The following TASP1 variants were observed in gnomAD, a reference collection of about 807,000 sequenced individuals.
TASP1 encodes threonine aspartase 1.
TASP1 carries 16 observed loss-of-function variants against 56.6 expected under a neutral mutation model. The ratio of observed to expected loss-of-function variants is 0.28; its 90% CI spans 0.19 to 0.43. TASP1 has a LOEUF of 0.43. Among genes scored for constraint, TASP1 ranks in the 20% least tolerant of loss-of-function variants. The pLI is 1.00. For missense variants in TASP1, 393 were observed against 511.6 expected (o/e 0.77, Z 2.24); for synonymous variants, 179 against 184.2 (o/e 0.97, Z 0.23).
At chr20:13,591,908 G>C (rs1224543460) in intron 4 of TASP1, among the ~76,000 whole-genome samples, 3 of 151,968 alleles carry the variant, frequency 2.0e-5, no homozygotes, top group Admixed American at 6.6e-5. Context: ...TAATCCAAAA[G>C]TGTATTTTGC....
intron 10 of TASP1, among the ~76,000 whole-genome samples, chr20:13,526,262 T>C (rs1170671663): frequency 2.6e-5 from 4 of 152,112 alleles, no homozygotes; most frequent in African/African-American, 4.8e-5. Context: ...TCTCCTAACA[T>C]CTAGATATGA....
chr20:13,531,944 C>T (rs999299291), intron 9 of TASP1, among the ~76,000 whole-genome samples: 22 of 152,224 alleles, frequency 1.4e-4, no homozygotes, highest in African/African-American at 3.1e-4. Flanking sequence ...GAATTACAGG[C>T]GTGAGCCACT....
chr20:13,132,136 C>A, the TASP1 span, among the ~76,000 whole-genome samples: 1 of 151,620 alleles, frequency 6.6e-6, no homozygotes, highest in African/African-American at 2.4e-5. Context: ...AATAGCAAAT[C>A]CTCCTGTCCC....
chr20:13,201,359 G>A, the TASP1 span, among the ~76,000 whole-genome samples: 3 of 151,896 alleles, frequency 2.0e-5, no homozygotes, highest in African/African-American at 7.2e-5. Flanking sequence ...TTTGGTGGTA[G>A]AAAATCAGCA....
At chr20:13,369,306 C>T in the TASP1 span, among the ~76,000 whole-genome samples, 1 of 152,068 alleles carries the variant, frequency 6.6e-6, no homozygotes. Context: ...ATTAGCTGGG[C>T]GTGGTGGCAC....
intron 10 of TASP1, among the ~76,000 whole-genome samples, chr20:13,486,136 C>T (rs760227568): frequency 3.3e-5 from 5 of 152,132 alleles, no homozygotes; most frequent in African/African-American, 9.6e-5. Context: ...GAAAGTTTGA[C>T]TTATGTGCTC....
At chr20:13,194,399 T>C in the TASP1 span, among the ~76,000 whole-genome samples, 1 of 152,184 alleles carries the variant, frequency 6.6e-6, no homozygotes, top group African/African-American at 2.4e-5. Context: ...GCATTTGGTG[T>C]AGAGTACCAA....
intron 4 of TASP1, among the ~76,000 whole-genome samples, chr20:13,591,524 G>T (rs1314131093): frequency 6.6e-6 from 1 of 152,096 alleles, no homozygotes; most frequent in Non-Finnish European, 1.5e-5. Context: ...GACTTCTTCA[G>T]ACACATAAAA....
chr20:13,477,202 G>A (rs1451565770), intron 11 of TASP1, among the ~76,000 whole-genome samples: 1 of 151,946 alleles, frequency 6.6e-6, no homozygotes, highest in Non-Finnish European at 1.5e-5. Context: ...CTCAATTGTC[G>A]ACAGCACTCT....
chr20:13,416,493 T>C (rs6042083), intron 13 of TASP1, among the ~76,000 whole-genome samples: 9,656 of 152,240 alleles, frequency 0.063, 455 homozygotes, highest in African/African-American at 0.13. Flanking sequence ...CTGGATAATA[T>C]ACAAAGGATA....
At chr20:13,342,388 G>C in the TASP1 span, among the ~76,000 whole-genome samples, 1 of 152,234 alleles carries the variant, frequency 6.6e-6, no homozygotes, top group African/African-American at 2.4e-5. Flanking sequence ...TGAGCTACAA[G>C]AGAGCATTGC....
chr20:13,125,529 C>G, the TASP1 span, among the ~76,000 whole-genome samples: 6 of 152,188 alleles, frequency 3.9e-5, no homozygotes, highest in Admixed American at 3.3e-4. Flanking sequence ...ATTTATTTAG[C>G]TTAAAACTCT....
chr20:13,236,404 A>T, the TASP1 span, among the ~76,000 whole-genome samples: 1 of 152,138 alleles, frequency 6.6e-6, no homozygotes, highest in African/African-American at 2.4e-5. Flanking sequence ...CCCACAACAC[A>T]TGGGAATTCT....
At chr20:13,474,377 C>T (rs779207798) in intron 11 of TASP1, among the ~76,000 whole-genome samples, 2 of 152,172 alleles carry the variant, frequency 1.3e-5, no homozygotes, top group Non-Finnish European at 2.9e-5. Context: ...TAAGTGAGAA[C>T]ATATGATATT....
intron 11 of TASP1, among the ~76,000 whole-genome samples, chr20:13,472,815 C>T (rs2044563476): frequency 6.6e-6 from 1 of 150,978 alleles, no homozygotes; most frequent in African/African-American, 2.4e-5. Flanking sequence ...GAACAGCGAT[C>T]ATTAAAAAGT....
chr20:13,279,532 C>T, the TASP1 span: 1 of 1,131,722 alleles, frequency 8.8e-7, no homozygotes, highest in Non-Finnish European at 1.3e-6. Context: ...ACAACGGATG[C>T]ATCCATCATT....
intron 6 of TASP1, among the ~76,000 whole-genome samples, chr20:13,575,408 T>C (rs2046866702): frequency 6.6e-6 from 1 of 152,164 alleles, no homozygotes; most frequent in African/African-American, 2.4e-5. Flanking sequence ...AGCAGGTTTT[T>C]CCCGTGCTGT....
the TASP1 span, among the ~76,000 whole-genome samples, chr20:13,367,727 T>C: frequency 6.6e-6 from 1 of 151,766 alleles, no homozygotes; most frequent in Admixed American, 6.6e-5. Context: ...CAAGTGACTA[T>C]TTATTAGAGC....
intron 8 of TASP1, among the ~76,000 whole-genome samples, chr20:13,540,399 CA>C (rs2045578216): frequency 2.0e-5 from 3 of 151,926 alleles, no homozygotes; most frequent in African/African-American, 7.3e-5. Flanking sequence ...AAGTATTTAC[CA>C]AAGAGAAATC....
Sources: gnomAD v4.1 joint callset for allele counts (sites outside exome capture counted in the v4.1 genomes callset) on GRCh38, gnomAD v4.1.1 for gene constraint, MANE v1.5 for transcripts, NCBI Gene and HGNC (gene_info 2026-07-23, HGNC 2026-07-21) for gene names.